Variants in HUWE1 observed in about 807,000 individuals in gnomAD.
The protein encoded by HUWE1 is HECT, UBA and WWE domain containing E3 ubiquitin protein ligase 1, also known as E3 ubiquitin-protein ligase HUWE1.
In HUWE1, 18 loss-of-function variants were observed where a neutral mutation model predicts 299.4. That is an observed-to-expected ratio of 0.06 (90% confidence interval 0.04 to 0.09). HUWE1 has a LOEUF of 0.09. Ranked by LOEUF, HUWE1 falls within the 10% of genes least tolerant of loss-of-function variation. The probability of loss-of-function intolerance (pLI) is 1.00; values close to 1 mark genes in which losing one functional copy is unlikely to be tolerated. For synonymous variants in HUWE1, 1,317 were observed against 1,286.1 expected, an observed-to-expected ratio of 1.02 and a Z score of -0.51; for missense variants, 1,832 against 3,462.3, an observed-to-expected ratio of 0.53 and a Z score of 11.82.
At chrX:53,614,390 T>C (rs2065679257) in intron 23 of HUWE1, 144 bp downstream of exon 23, 4 of 521,223 alleles carry the variant, frequency 7.7e-6, no homozygotes, top group East Asian at 3.6e-5. Flanking sequence ...GAAAAACTAA[T>C]ACATTCTTAG....
Position 53,551,368 on chromosome X carries a change from G to A in HUWE1, c.8994C>T (p.Ala2998=), listed in dbSNP as rs1556928800. ...CAGGCGCTGAGCTATTTGTGGAGGG[G>A]GCAGTCCGGGTTGGTGGACGAATGC... ...QLGIRPPTRT[A]PSTNSSAPAV... is the part of the protein sequence containing the mutation. Residue 2998 remains alanine, a synonymous_variant, in exon 64 of 84, where the codon GCC becomes GCT. Transcript: ENST00000262854. The A allele has an allele frequency of 2.5e-6, 3 of 1,209,160 alleles. No homozygotes were observed. Among genetic ancestry groups the A allele is most frequent in the Admixed American group, 4.4e-5 (2 of 45,827 alleles).
intron 72 of HUWE1, 51 bp downstream of exon 72, chrX:53,544,509 G>T: frequency 9.6e-7 from 1 of 1,039,291 alleles, no homozygotes; most frequent in Non-Finnish European, 1.3e-6. Context: ...CAAGGAATCT[G>T]GCTTTACCGC....
intron 74 of HUWE1, among the ~76,000 whole-genome samples, chrX:53,540,622 C>T (rs781913330): frequency 1.8e-5 from 2 of 112,512 alleles, no homozygotes; most frequent in Admixed American, 9.4e-5. Flanking sequence ...CCACCACGCC[C>T]GGCCTTCTAA....
Position 53,631,487 on chromosome X carries a change from A to G in HUWE1, c.694-5T>C, listed in dbSNP as rs996194185. ...TTCAGAAGGGCTTTCTGAAATCTAC[A>G]TTAAAAAAAAAGATATAGTTAGGAA... On this transcript the variant is annotated splice_polypyrimidine_tract_variant and splice_region_variant and intron_variant, in intron 10 of 83. Transcript: ENST00000262854. The G allele has an allele frequency of 4.2e-6, 5 of 1,189,577 alleles. No homozygotes were observed. Among genetic ancestry groups the G allele is most frequent in the Non-Finnish European group, 4.6e-6 (4 of 875,927 alleles).
At chrX:53,603,723 T>A (rs1556993829) in intron 26 of HUWE1, among the ~76,000 whole-genome samples, 1 of 112,426 alleles carries the variant, frequency 8.9e-6, no homozygotes, top group Non-Finnish European at 1.9e-5. Context: ...GTTCTCATTG[T>A]TTTTTATAAA....
chrX:53,645,588 A>G (rs2067920301), intron 6 of HUWE1, 125 bp from the exon 7 acceptor site: 1 of 699,746 alleles, frequency 1.4e-6, no homozygotes, highest in Non-Finnish European at 2.2e-6. Flanking sequence ...TACAAAAAAT[A>G]TATAAGTATT....
intron 42 of HUWE1, among the ~76,000 whole-genome samples, chrX:53,582,831 G>A (rs782588722): frequency 1.7e-4 from 19 of 109,522 alleles, no homozygotes; most frequent in Admixed American, 1.6e-3. Flanking sequence ...CACCATCTCG[G>A]CTCACTGCAA....
intron 52 of HUWE1, among the ~76,000 whole-genome samples, chrX:53,563,196 A>G (rs1225910210): frequency 6.2e-5 from 7 of 112,304 alleles, no homozygotes; most frequent in Admixed American, 5.6e-4. Context: ...GATACTGGGT[A>G]TAAAAAAGCT....
At chrX:53,680,760 T>C (rs782660163) in intron 2 of HUWE1, 3 of 112,381 alleles carry the variant, frequency 2.7e-5, no homozygotes, top group Non-Finnish European at 5.6e-5. Context: ...TATTGCTCAA[T>C]AAGGGTCAAA....
Position 53,576,990 on chromosome X carries a change from G to T in HUWE1, c.5794C>A (p.Pro1932Thr). 8.3e-7 allele frequency: 1 copy of T among 1,201,323 alleles called. No homozygotes were observed. The highest frequency in any genetic ancestry group is 1.1e-6 in the Non-Finnish European group (1 of 886,152). The change falls in exon 44 of 84, where the codon CCC becomes ACC. Residue 1932 changes from proline (P) to threonine (T), a missense_variant. Around this residue, in one of 15 missense-constraint regions of HUWE1, gnomAD observed 47 missense variants for 45.8 expected, o/e 1.03. Transcript: ENST00000262854. ...TCAGGGATGACAGGCAGAGGTGAGGGCTTCAAAGGGGTGGTCTTCACCAGC... is the reference window on the plus strand; with the variant it reads ...TCAGGGATGACAGGCAGAGGTGAGGTCTTCAAAGGGGTGGTCTTCACCAGC... The part of the protein sequence containing the change: ...VQLVKTTPLK[P>T]SPLPVIPDTI...
chrX:53,549,282 G>C lies in HUWE1; in HGVS notation c.9712C>G (p.Leu3238Val), dbSNP rs782466071. 1.7e-6 allele frequency: 2 copies of C among 1,211,660 alleles called. No individual in the cohort carries two copies. The highest frequency in any genetic ancestry group is 2.2e-6 in the Non-Finnish European group (2 of 895,335). The change falls in exon 67 of 84, where the codon CTA becomes GTA. Residue 3238 changes from leucine to valine, a missense_variant. Leu to Val is a conservative substitution (Grantham distance 32). This residue lies in a region of HUWE1 where 80 missense variants were observed against 142.1 expected (regional missense o/e 0.56). Coordinates refer to ENST00000262854, the MANE Select transcript of HUWE1 (RefSeq NM_031407.7). ...SILQRSSESE[L>V]CIETPKLTTS... ...GTGAGTTTGGGTGTTTCAATGCATAGCTCACTCTCACTGCTGCGCTGCAAG... is the reference window on the plus strand; with the variant it reads ...GTGAGTTTGGGTGTTTCAATGCATACCTCACTCTCACTGCTGCGCTGCAAG...
chrX:53,586,698 A>G (rs2063877450), intron 38 of HUWE1, 84 bp downstream of exon 38: 1 of 1,154,274 alleles, frequency 8.7e-7, no homozygotes, highest in African/African-American at 1.8e-5. Context: ...AATTTGCCCC[A>G]TACATGCCCC....
rs782557122 is a variant in HUWE1 at position 53,558,931 on chromosome X, G to C, written c.8005+40C>G. 4.3e-6 allele frequency: 5 copies of C among 1,170,908 alleles called. No homozygotes were observed. The Admixed American group carries it at 8.9e-5, about 21-fold the overall frequency. ...TCTCCACACGTTTGCCCTAGCTCTGGAAGGCTCACTATTGCCCTGATAACC... is the reference window on the plus strand; with the variant it reads ...TCTCCACACGTTTGCCCTAGCTCTGCAAGGCTCACTATTGCCCTGATAACC... On this transcript the variant is annotated intron_variant, in intron 58 of 83. Coordinates refer to ENST00000262854, the MANE Select transcript of HUWE1 (RefSeq NM_031407.7).
rs1556938264 is a variant in HUWE1, at chrX:53,559,044, G to A, written c.7932C>T (p.Ile2644=). 1 of 1,167,334 alleles carries A rather than the reference G, an allele frequency of 8.6e-7. No homozygotes were observed. Among genetic ancestry groups the A allele is most frequent in the Non-Finnish European group, 1.1e-6 (1 of 871,303 alleles). The change falls in exon 58 of 84, where the codon ATC becomes ATT. Residue 2644 remains isoleucine (I), a synonymous_variant. Transcript: ENST00000262854. The part of the protein sequence containing the change: ...ATSQAGTLSS[I]PTALTRWTEE... ...CTGTCCAGCGGGTCAGGGCTGTGGG[G>A]ATGCTGGACAGGGTTCCTGTAGGGA...
intron 6 of HUWE1, 74 bp from the exon 7 acceptor site, chrX:53,645,537 G>A (rs1297479496): frequency 2.0e-6 from 2 of 1,005,538 alleles, no homozygotes; most frequent in Non-Finnish European, 2.8e-6. Flanking sequence ...AAATGTACTT[G>A]TCAACATTTA....
At chrX:53,659,133 T>C (rs1172040987) in intron 3 of HUWE1, among the ~76,000 whole-genome samples, 2 of 112,727 alleles carry the variant, frequency 1.8e-5, no homozygotes, top group African/African-American at 6.4e-5. Flanking sequence ...ACTTTGGAAG[T>C]CAGTTCAGCA....
intron 70 of HUWE1, among the ~76,000 whole-genome samples, 157 bp downstream of exon 70, chrX:53,546,279 A>C (rs2061537461): frequency 8.9e-6 from 1 of 111,870 alleles, no homozygotes; most frequent in African/African-American, 3.3e-5. Context: ...ATGATAACCC[A>C]GGGTAATCTG....
intron 34 of HUWE1, 34 bp from the exon 35 acceptor site, chrX:53,590,533 A>C: frequency 9.8e-7 from 1 of 1,022,498 alleles, no homozygotes; most frequent in Non-Finnish European, 1.4e-6. Flanking sequence ...GTAAGGATAC[A>C]CACTCAAAAC....
chrX:53,542,743 T>TC, intron 73 of HUWE1: 1 of 438,898 alleles, frequency 2.3e-6, no homozygotes. Flanking sequence ...TGTAAGCTTT[T>TC]CCCAACAGCT....
Sources: gnomAD v4.1 joint callset for allele counts (sites outside exome capture counted in the v4.1 genomes callset) on GRCh38, gnomAD v4.1.1 for gene constraint, gnomAD v4.1.1 regional missense constraint, MANE v1.5 for transcripts, NCBI Gene and HGNC (gene_info 2026-07-23, HGNC 2026-07-21) for gene names.